The following NTRK3 variants were observed in gnomAD, a reference collection of about 807,000 sequenced individuals.
NTRK3 encodes the protein NT-3 growth factor receptor.
In NTRK3, 24 loss-of-function variants were observed where a neutral mutation model predicts 91.7. That is an observed-to-expected ratio of 0.26 (90% confidence interval 0.19 to 0.37). The LOEUF (loss-of-function observed/expected upper bound fraction) is 0.37, where lower values mean the gene tolerates loss of function less well. Ranked by LOEUF, NTRK3 falls within the 10% of genes least tolerant of loss-of-function variation. NTRK3 has a pLI of 1.00. For missense variants in NTRK3, 880 were observed against 1,068.9 expected (o/e 0.82, Z 2.46); for synonymous variants, 483 against 404.0 (o/e 1.20, Z -2.34).
At chr15:88,098,449 G>A (rs1230349724) in intron 13 of NTRK3, 1 of 197,994 alleles carries the variant, frequency 5.1e-6, no homozygotes, top group East Asian at 7.8e-5. Flanking sequence ...CACTCGTGGA[G>A]CTTCAGCAAG....
intron 13 of NTRK3, among the ~76,000 whole-genome samples, chr15:88,107,039 T>C (rs1351431073): frequency 1.1e-5 from 1 of 94,598 alleles, no homozygotes; most frequent in Non-Finnish European, 2.2e-5. Context: ...CATATATGTA[T>C]TCACACATAT....
At chr15:87,951,824 G>GTCTTTC (rs2071132399) in intron 14 of NTRK3, among the ~76,000 whole-genome samples, 1 of 152,186 alleles carries the variant, frequency 6.6e-6, no homozygotes. Flanking sequence ...AACCCTAAGG[G>GTCTTTC]TCTTTCTTCA....
At chr15:87,891,096 T>C (rs1049480819) in intron 17 of NTRK3, among the ~76,000 whole-genome samples, 2 of 152,128 alleles carry the variant, frequency 1.3e-5, no homozygotes, top group African/African-American at 4.8e-5. Context: ...TTATCCTAAT[T>C]TGTTTAAATA....
chr15:88,191,817 G>A (rs1299343735), intron 3 of NTRK3, among the ~76,000 whole-genome samples: 3 of 152,272 alleles, frequency 2.0e-5, no homozygotes, highest in East Asian at 1.9e-4. Flanking sequence ...AGGGGGCTGG[G>A]AAGGAGCGCA....
intron 5 of NTRK3, among the ~76,000 whole-genome samples, chr15:88,169,225 G>T (rs576064824): frequency 1.5e-4 from 23 of 152,254 alleles, no homozygotes; most frequent in African/African-American, 4.3e-4. Context: ...CAGGGAGTTT[G>T]GTTCATATCC....
chr15:87,870,975 T>G (rs1225201469), exon 19 of NTRK3: 1 of 231,186 alleles, frequency 4.3e-6, no homozygotes, highest in Admixed American at 5.6e-5. Flanking sequence ...CTCCCTATGA[T>G]GAAAGAAAGA....
intron 13 of NTRK3, among the ~76,000 whole-genome samples, chr15:88,092,714 G>C (rs1456262164): frequency 1.3e-5 from 2 of 152,260 alleles, no homozygotes; most frequent in Admixed American, 6.5e-5. Flanking sequence ...GCTCTGGGTA[G>C]AGTCTGCTCC....
intron 13 of NTRK3, among the ~76,000 whole-genome samples, chr15:88,082,347 A>G (rs942529438): frequency 6.6e-6 from 1 of 151,870 alleles, no homozygotes; most frequent in Non-Finnish European, 1.5e-5. Flanking sequence ...GGAAGAAGAG[A>G]GAATGAATTT....
chr15:88,103,787 C>G (rs187581448), intron 13 of NTRK3, among the ~76,000 whole-genome samples: 40 of 152,240 alleles, frequency 2.6e-4, no homozygotes, highest in Non-Finnish European at 2.2e-4. Flanking sequence ...CCCATTCCCC[C>G]ACAGAGTCCC....
Position 88,256,346 on chromosome 15 carries a change from C to A in NTRK3, c.-78G>T, listed in dbSNP as rs1044147545. On this transcript the variant is annotated 5_prime_UTR_variant, in exon 2 of 19. Transcript: ENST00000394480. Reference sequence around the variant, plus strand: ...GCGTCTGAAACCATCGCGGACGCCGCCGCCGCCGCCGCCGCCGCCGGGTGG... The same window carrying A: ...GCGTCTGAAACCATCGCGGACGCCGACGCCGCCGCCGCCGCCGCCGGGTGG... The A allele has an allele frequency of 1.4e-5, 9 of 630,828 alleles. No individual in the cohort carries two copies. In the African/African-American group the frequency reaches 1.7e-4, roughly 12 times the overall value. 39.1% of individuals were successfully genotyped at this position (630,828 alleles called of 1,614,324 possible). A position where few individuals can be genotyped will look rare whatever the true frequency, so the allele number is the denominator to read the frequency against.
rs191767316 is a variant in NTRK3 at position 88,211,604 on chromosome 15, A to G, written c.249-27305T>C. 9.2e-4 allele frequency among the ~76,000 whole-genome samples: 140 copies of G among 152,386 alleles called. 1 individual carries two copies. Among genetic ancestry groups the G allele is most frequent in the Non-Finnish European group, 2.5e-4 (17 of 68,038 alleles). ...GCATAATTAGGAATGTAAGCAAAAT[A>G]GACTTATTAAAAGGGAACAAAGGAG... On this transcript the variant is annotated intron_variant, in intron 3 of 18. Transcript: ENST00000394480.
intron 14 of NTRK3, among the ~76,000 whole-genome samples, chr15:87,962,608 C>A (rs1459408158): frequency 1.3e-5 from 2 of 152,194 alleles, no homozygotes; most frequent in African/African-American, 4.8e-5. Context: ...TGACTTCTCT[C>A]CAGTTTGTGC....
At chr15:87,866,157 G>T (rs2064669972) in exon 19 of NTRK3, 1 of 225,556 alleles carries the variant, frequency 4.4e-6, no homozygotes, top group Non-Finnish European at 8.8e-6. Context: ...CTGAGGTAAA[G>T]GGCAGACAAT....
intron 14 of NTRK3, among the ~76,000 whole-genome samples, chr15:87,974,892 G>A (rs1336320746): frequency 6.6e-6 from 1 of 152,138 alleles, no homozygotes; most frequent in Non-Finnish European, 1.5e-5. Context: ...TTGGAGGGGG[G>A]AGCACCTAGG....
At chr15:87,910,303 T>C in intron 17 of NTRK3, among the ~76,000 whole-genome samples, 1 of 152,334 alleles carries the variant, frequency 6.6e-6, no homozygotes, top group Middle Eastern at 3.4e-3. Flanking sequence ...CCCGGGCAGC[T>C]CCTGCCAACG....
chr15:87,941,496 CAAAG>C (rs955190653), intron 14 of NTRK3, among the ~76,000 whole-genome samples: 4 of 147,930 alleles, frequency 2.7e-5, no homozygotes, highest in Admixed American at 6.7e-5. Context: ...CACACACACA[CAAAG>C]ACACATTGGT....
exon 19 of NTRK3, chr15:87,876,688 TATAGATTG>T (rs2064960523): frequency 9.1e-6 from 2 of 219,326 alleles, no homozygotes; most frequent in East Asian, 1.4e-4. Flanking sequence ...TCTCTGTAGA[TATAGATTG>T]ATAGATAGTT....
chr15:88,111,217 G>A (rs1197996856), intron 13 of NTRK3, among the ~76,000 whole-genome samples: 1 of 152,192 alleles, frequency 6.6e-6, no homozygotes, highest in Non-Finnish European at 1.5e-5. Context: ...CCTTGAACCT[G>A]GATAGGGTCC....
chr15:88,226,289 CA>C (rs1173231466), intron 3 of NTRK3, among the ~76,000 whole-genome samples: 1 of 152,204 alleles, frequency 6.6e-6, no homozygotes, highest in African/African-American at 2.4e-5. Flanking sequence ...ATGCCCTCAG[CA>C]CATGCTCTCT....
Sources: allele counts gnomAD v4.1 joint callset (sites outside exome capture counted in the v4.1 genomes callset), GRCh38; gene constraint gnomAD v4.1.1; transcripts MANE v1.5; gene names NCBI Gene and HGNC (gene_info 2026-07-23, HGNC 2026-07-21).